The following TRARG1 variants were observed in gnomAD, a reference collection of about 807,000 sequenced individuals.
TRARG1 encodes the protein trafficking regulator of GLUT4 1.
TRARG1 carries 16 observed loss-of-function variants against 13.3 expected under a neutral mutation model. That is an observed-to-expected ratio of 1.20 (90% confidence interval 0.81 to 1.83). TRARG1 has a LOEUF of 1.83. Ranked by LOEUF, TRARG1 falls within the 40% of genes most tolerant of loss-of-function variation. The pLI is 0.00. For missense variants in TRARG1, 250 were observed against 237.4 expected (o/e 1.05, Z -0.35); for synonymous variants, 113 against 106.2 (o/e 1.06, Z -0.39).
chr17:1,280,470 GC>G, intron 1 of TRARG1, 82 bp downstream of exon 1: 1 of 1,390,576 alleles, frequency 7.2e-7, no homozygotes, highest in Non-Finnish European at 9.7e-7. Flanking sequence ...ACCAAACACT[GC>G]CCAGGGTGTG....
At chr17:1,282,328 A>ACG (rs1294379191) in intron 1 of TRARG1, among the ~76,000 whole-genome samples, 113 of 151,438 alleles carry the variant, frequency 7.5e-4, no homozygotes, top group African/African-American at 1.5e-3. Context: ...ATGTACATAT[A>ACG]TGTACGTATA....
intron 1 of TRARG1, among the ~76,000 whole-genome samples, chr17:1,288,015 C>A (rs1174843666): frequency 1.3e-5 from 2 of 151,994 alleles, no homozygotes; most frequent in Admixed American, 1.3e-4. Flanking sequence ...CATCCCTGAA[C>A]TCTAGTCCTG....
chr17:1,296,152 G>A (rs899838687), intron 2 of TRARG1, among the ~76,000 whole-genome samples: 3 of 152,208 alleles, frequency 2.0e-5, no homozygotes, highest in East Asian at 1.9e-4. Context: ...TAGGTGGCCC[G>A]GTGAAGTCAT....
chr17:1,281,936 A>C (rs570027072), intron 1 of TRARG1, among the ~76,000 whole-genome samples: 1 of 152,082 alleles, frequency 6.6e-6, no homozygotes, highest in East Asian at 1.9e-4. Flanking sequence ...ATATACATAC[A>C]TGTACATATA....
intron 1 of TRARG1, among the ~76,000 whole-genome samples, chr17:1,286,448 A>AT (rs1567929809): frequency 3.8e-4 from 21 of 55,700 alleles, no homozygotes; most frequent in African/African-American, 1.4e-3. Context: ...TCGGCCTGTG[A>AT]GTTGTTATCG....
chr17:1,282,272 G>GTATGTATATGTA (rs1567928301), intron 1 of TRARG1, among the ~76,000 whole-genome samples: 1 of 120,932 alleles, frequency 8.3e-6, no homozygotes, highest in East Asian at 2.8e-4. Context: ...GTACATATAT[G>GTATGTATATGTA]CACGTATATG....
At chr17:1,294,320 G>A (rs1171088121) in intron 1 of TRARG1, among the ~76,000 whole-genome samples, 2 of 152,090 alleles carry the variant, frequency 1.3e-5, no homozygotes, top group African/African-American at 4.8e-5. Context: ...CATAAAACAA[G>A]GCCCCCGTGA....
chr17:1,282,148 G>A (rs371065702), intron 1 of TRARG1, among the ~76,000 whole-genome samples: 33 of 133,886 alleles, frequency 2.5e-4, no homozygotes, highest in African/African-American at 4.9e-4. Context: ...ATATATGTAC[G>A]TATACACGTG....
intron 1 of TRARG1, among the ~76,000 whole-genome samples, chr17:1,290,930 A>T (rs577640329): frequency 2.1e-5 from 3 of 143,914 alleles, no homozygotes; most frequent in East Asian, 4.1e-4. Context: ...TCTGAGCCAG[A>T]GTTTCGTTGT....
rs1567928170 is a variant in TRARG1, at chr17:1,282,220, ACGTGCG to A, written c.387+1833_387+1838del. 1.9e-3 allele frequency among the ~76,000 whole-genome samples: 177 copies of A among 91,726 alleles called. 5 individuals are homozygous for A. The highest frequency in any genetic ancestry group is 7.7e-3 in the African/African-American group (165 of 21,334). 60.2% of individuals were successfully genotyped at this position (91,726 alleles called of 152,430 possible). ...TACACGTGCGTATATGTACGTATACACGTGCGTATATGTACGTATATGCACGTATAT... is the reference window on the plus strand; with the variant it reads ...TACACGTGCGTATATGTACGTATACATATATGTACGTATATGCACGTATAT... On this transcript the variant is annotated intron_variant, in intron 1 of 2. Coordinates refer to ENST00000333813, the MANE Select transcript of TRARG1 (RefSeq NM_172367.3).
At chr17:1,283,743 AG>A (rs2071999871) in intron 1 of TRARG1, among the ~76,000 whole-genome samples, 1 of 151,430 alleles carries the variant, frequency 6.6e-6, no homozygotes, top group South Asian at 2.1e-4. Flanking sequence ...CTGGAGGCAG[AG>A]GTTGCAGTGA....
chr17:1,293,656 G>C (rs967285630), intron 1 of TRARG1, among the ~76,000 whole-genome samples: 11 of 152,106 alleles, frequency 7.2e-5, no homozygotes, highest in African/African-American at 2.4e-4. Context: ...GATGTCATGG[G>C]CTGGGTTTGA....
intron 1 of TRARG1, among the ~76,000 whole-genome samples, chr17:1,281,977 T>C (rs886623759): frequency 4.0e-5 from 6 of 148,686 alleles, no homozygotes; most frequent in Non-Finnish European, 6.0e-5. Flanking sequence ...TGCACACGTG[T>C]ACATATATGT....
chr17:1,284,503 C>T (rs779243784), intron 1 of TRARG1, among the ~76,000 whole-genome samples: 24 of 152,042 alleles, frequency 1.6e-4, no homozygotes, highest in Non-Finnish European at 3.2e-4. Context: ...AGGCAAGAGG[C>T]GAAGAGGCCA....
intron 1 of TRARG1, among the ~76,000 whole-genome samples, chr17:1,284,665 T>A (rs533020760): frequency 2.8e-5 from 4 of 141,506 alleles, no homozygotes; most frequent in African/African-American, 1.1e-4. Context: ...TGTGAATGAA[T>A]GTGCCTCTTT....
rs143762295 is a variant in TRARG1 at position 1,292,169 on chromosome 17, A to AAAAAC, written c.388-3298_388-3294dup. On this transcript the variant is annotated intron_variant, in intron 1 of 2. Coordinates refer to ENST00000333813, the MANE Select transcript of TRARG1 (RefSeq NM_172367.3). ...GGCAACAAGAGCAAAACTCCATCTCAAAAACAAAACAAAACAAAACAAAAC... is the reference window on the plus strand; with the variant it reads ...GGCAACAAGAGCAAAACTCCATCTCAAAAACAAAACAAAACAAAACAAAACAAAAC... Among the ~76,000 whole-genome samples, 20 of 150,788 alleles carry AAAAAC rather than the reference A, an allele frequency of 1.3e-4. 1 individual carries two copies. The highest frequency in any genetic ancestry group is 4.2e-4 in the South Asian group (2 of 4,806).
intron 2 of TRARG1, among the ~76,000 whole-genome samples, chr17:1,296,515 T>TC (rs1402918648): frequency 1.3e-5 from 1 of 76,628 alleles, no homozygotes; most frequent in African/African-American, 3.6e-5. Context: ...ATTTTCTCTT[T>TC]CTTTTTTTTT....
At chr17:1,287,793 C>T (rs918301243) in intron 1 of TRARG1, among the ~76,000 whole-genome samples, 3 of 152,110 alleles carry the variant, frequency 2.0e-5, no homozygotes, top group East Asian at 1.9e-4. Flanking sequence ...GCCGGGACTA[C>T]AGGCATATGC....
intron 1 of TRARG1, among the ~76,000 whole-genome samples, chr17:1,292,794 C>A (rs6502862): frequency 0.44 from 67,533 of 151,990 alleles, 15,289 homozygotes; most frequent in African/African-American, 0.52. Flanking sequence ...CCACCCACCA[C>A]AGTTGCATTT....
Sources: allele counts gnomAD v4.1 joint callset (sites outside exome capture counted in the v4.1 genomes callset), GRCh38; gene constraint gnomAD v4.1.1; transcripts MANE v1.5; gene names NCBI Gene and HGNC (gene_info 2026-07-23, HGNC 2026-07-21).